NLRP14: variants seen among roughly 807,000 people sequenced by gnomAD.
NLRP14 encodes NLR family pyrin domain containing 14.
In NLRP14, 105 loss-of-function variants were observed where a neutral mutation model predicts 94.7. That is an observed-to-expected ratio of 1.11 (90% CI 0.95 to 1.30). The LOEUF (loss-of-function observed/expected upper bound fraction) is 1.30. NLRP14 is among the 50% of genes most tolerant of loss of function. The probability of loss-of-function intolerance (pLI) is 0.00; values close to 1 mark genes in which losing one functional copy is unlikely to be tolerated. For missense variants in NLRP14, 1,362 were observed against 1,254.1 expected, an observed-to-expected ratio of 1.09 and a Z score of -1.30; for synonymous variants, 508 against 459.9, an observed-to-expected ratio of 1.10 and a Z score of -1.34.
At chr11:7,068,545 ATTG>A (rs943458731) in intron 10 of NLRP14, among the ~76,000 whole-genome samples, 1 of 152,190 alleles carries the variant, frequency 6.6e-6, no homozygotes, top group African/African-American at 2.4e-5. Flanking sequence ...AGTCTGTAGA[ATTG>A]TTGTCTGAGA....
chr11:7,089,141 G>T, the NLRP14 span: 2 of 1,613,838 alleles, frequency 1.2e-6, no homozygotes, highest in Middle Eastern at 1.7e-4. Flanking sequence ...CGGATCGCCC[G>T]GGGAAGCTGT....
chr11:7,062,540 A>G (rs866222863), intron 10 of NLRP14, 37 bp downstream of exon 10: 17 of 1,570,282 alleles, frequency 1.1e-5, no homozygotes, highest in Middle Eastern at 3.4e-4. Flanking sequence ...AATGATGCCT[A>G]TTTGGTAGCT....
intron 1 of NLRP14, among the ~76,000 whole-genome samples, chr11:7,023,596 A>G (rs1851975655): frequency 2.0e-5 from 3 of 149,924 alleles, no homozygotes; most frequent in Admixed American, 6.7e-5. Flanking sequence ...AAGTGCAGAG[A>G]AGAAAGCACA....
chr11:7,031,883 A>G (rs1313946451), intron 1 of NLRP14, among the ~76,000 whole-genome samples: 1 of 152,178 alleles, frequency 6.6e-6, no homozygotes, highest in Non-Finnish European at 1.5e-5. Flanking sequence ...TTCAAGAAAT[A>G]TTAGTAAGGT....
chr11:7,041,701 G>T (rs914356372), intron 3 of NLRP14, among the ~76,000 whole-genome samples: 13 of 152,132 alleles, frequency 8.5e-5, no homozygotes, highest in African/African-American at 3.1e-4. Context: ...CTAGTGACAT[G>T]TACTGTGAAT....
chr11:7,058,480 A>G (rs1852556336), intron 8 of NLRP14, 30 bp downstream of exon 8: 1 of 1,502,840 alleles, frequency 6.7e-7, no homozygotes, highest in Non-Finnish European at 9.3e-7. Flanking sequence ...TATCCTTAAT[A>G]TATATTGTAC....
chr11:7,040,970 C>T (rs908738463), intron 3 of NLRP14, among the ~76,000 whole-genome samples: 1 of 152,054 alleles, frequency 6.6e-6, no homozygotes, highest in Admixed American at 6.5e-5. Context: ...TAAATGTCTT[C>T]AAATTATTAT....
intron 5 of NLRP14, among the ~76,000 whole-genome samples, chr11:7,048,504 T>A (rs1589864951): frequency 6.6e-6 from 1 of 152,108 alleles, no homozygotes; most frequent in Admixed American, 6.5e-5. Flanking sequence ...TGAAAATAGA[T>A]GTTCTTTTGG....
chr11:7,076,476 C>T (rs1279705255), downstream of NLRP14, among the ~76,000 whole-genome samples: 1 of 152,090 alleles, frequency 6.6e-6, no homozygotes, highest in Admixed American at 6.5e-5. Context: ...TCCCAGCCTT[C>T]TCTCTTTTAT....
At chr11:7,023,892 T>C (rs1851979490) in intron 1 of NLRP14, among the ~76,000 whole-genome samples, 1 of 151,996 alleles carries the variant, frequency 6.6e-6, no homozygotes, top group African/African-American at 2.4e-5. Context: ...GAGAACTTAC[T>C]ATCACAAGGA....
rs1167561470 is a variant in NLRP14, at chr11:7,043,716, A to G, written c.1690A>G (p.Met564Val). 15 of 1,614,006 alleles carry G rather than the reference A, an allele frequency of 9.3e-6. No individual in the cohort carries two copies. Among genetic ancestry groups the G allele is most frequent in the Admixed American group, 1.7e-5 (1 of 60,010 alleles). The stretch of plus-strand genomic sequence containing the variant: ...GATAAAATCAAAGTTACTTCAGTGT[A>G]TGGAAGTATTAGGAAACAGTGACTA... ...LKIKSKLLQC[M>V]EVLGNSDYSP... Residue 564 changes from methionine (M) to valine (V), a missense_variant, in exon 4 of 12, where the codon ATG becomes GTG. By Grantham distance (21) the Met-to-Val change is conservative (BLOSUM62 1). Transcript: ENST00000299481.
At position 7,046,839 on chromosome 11, in the gene NLRP14, C is replaced by T. The variant is rs775156264; in HGVS notation, c.2123+7C>T. ...GTAAACTACAAAAGCTACTGTAAGT[C>T]TGGTATGAGAAAATTTAATGGAGTT... On this transcript the variant is annotated splice_region_variant and intron_variant, in intron 5 of 11. Transcript: ENST00000299481. 4.5e-5 allele frequency: 72 copies of T among 1,604,788 alleles called. No individual in the cohort carries two copies. The highest frequency in any genetic ancestry group is 6.1e-5 in the Non-Finnish European group (72 of 1,171,806).
intron 10 of NLRP14, among the ~76,000 whole-genome samples, chr11:7,069,321 A>G (rs150557178): frequency 7.9e-5 from 12 of 152,338 alleles, no homozygotes; most frequent in African/African-American, 2.4e-4. Context: ...CTCAGCATCT[A>G]TATAGGTACT....
At position 7,025,920 on chromosome 11, in the gene NLRP14, C is replaced by T. The variant is rs548714451; in HGVS notation, c.-22+5150C>T. Among the ~76,000 whole-genome samples, 73 of 152,152 alleles carry T rather than the reference C, an allele frequency of 4.8e-4. 1 individual carries two copies. Among genetic ancestry groups the T allele is most frequent in the African/African-American group, 1.6e-3 (65 of 41,512 alleles). On this transcript the variant is annotated intron_variant, in intron 1 of 11. Transcript: ENST00000299481. ...ACTACAATACAATAAAATAAAGCCA[C>T]GCACAGATTGAATAGTATAATAATC...
chr11:7,049,834 C>G lies in NLRP14; in HGVS notation c.2287C>G (p.Leu763Val). 1 of 1,611,782 alleles carries G rather than the reference C, an allele frequency of 6.2e-7. No homozygotes were observed. Among genetic ancestry groups the G allele is most frequent in the Non-Finnish European group, 8.5e-7 (1 of 1,177,960 alleles). Residue 763 changes from leucine to valine, a missense_variant, in exon 6 of 12, where the codon CTC becomes GTC. Transcript: ENST00000299481. The part of the protein sequence containing the change: ...LKHPECKLQT[L>V]RLESCNLTVF... ...ACACCCAGAGTGTAAACTACAGACT[C>G]TCAGGTAAGCTTTGAATTGTTTTGT...
At chr11:7,052,464 C>A (rs562969501) in intron 6 of NLRP14, among the ~76,000 whole-genome samples, 23 of 152,170 alleles carry the variant, frequency 1.5e-4, no homozygotes, top group Admixed American at 5.9e-4. Flanking sequence ...AAAACCCCAT[C>A]TCTACTAAAA....
chr11:7,050,365 C>A (rs925016988), intron 6 of NLRP14, among the ~76,000 whole-genome samples: 4 of 152,200 alleles, frequency 2.6e-5, no homozygotes, highest in African/African-American at 7.2e-5. Context: ...GGCTACCACA[C>A]ACTATTGATC....
Position 7,043,336 on chromosome 11 carries a change from C to G in NLRP14, c.1310C>G (p.Thr437Ser), listed in dbSNP as rs771006081. Residue 437 changes from threonine to serine, a missense_variant, in exon 4 of 12, where the codon ACT (threonine) becomes AGT (serine). By Grantham distance (58) the Thr-to-Ser change is moderately conservative. Transcript: ENST00000299481. ...LCQVAAKGIW[T>S]MTYVFYRENL... ...CAAGTCGCTGCCAAAGGAATATGGA[C>G]TATGACTTACGTGTTTTACAGAGAA... 29 of 1,614,038 alleles carry G rather than the reference C, an allele frequency of 1.8e-5. No homozygotes were observed. Among genetic ancestry groups the G allele is most frequent in the Non-Finnish European group, 2.5e-5 (29 of 1,180,024 alleles).
chr11:7,089,878 C>T, the NLRP14 span: 1 of 1,612,856 alleles, frequency 6.2e-7, no homozygotes, highest in Non-Finnish European at 8.5e-7. Context: ...GACGACTGTC[C>T]CTTGAGAGGC....
Sources: gnomAD v4.1 joint callset for allele counts (sites outside exome capture counted in the v4.1 genomes callset) on GRCh38, gnomAD v4.1.1 for gene constraint, MANE v1.5 for transcripts, NCBI Gene and HGNC (gene_info 2026-07-23, HGNC 2026-07-21) for gene names.